TCF4: variants seen among roughly 807,000 people sequenced by gnomAD.
TCF4 encodes the protein transcription factor 4.
TCF4 carries 3 observed loss-of-function variants against 82.1 expected under a neutral mutation model. The ratio of observed to expected loss-of-function variants is 0.04; its 90% CI spans 0.02 to 0.09. The LOEUF is 0.09. Among genes scored for constraint, TCF4 ranks in the 10% least tolerant of loss-of-function variants. The pLI is 1.00. For synonymous variants in TCF4, 276 were observed against 309.6 expected (o/e 0.89, Z 1.14); for missense variants, 518 against 852.7 (o/e 0.61, Z 4.89).
At chr18:55,246,270 A>G (rs1199714253) in intron 15 of TCF4, among the ~76,000 whole-genome samples, 1 of 132,864 alleles carries the variant, frequency 7.5e-6, no homozygotes, top group East Asian at 2.2e-4. Flanking sequence ...TGTATCTTTT[A>G]TATTTTAAAA....
intron 15 of TCF4, among the ~76,000 whole-genome samples, chr18:55,242,576 A>G (rs2510127): frequency 6.6e-6 from 1 of 152,138 alleles, no homozygotes; most frequent in Non-Finnish European, 1.5e-5. Context: ...ATTTGCAAGG[A>G]AAAATAAACA....
chr18:55,595,781 T>C (rs1276861375), intron 2 of TCF4, among the ~76,000 whole-genome samples: 1 of 152,248 alleles, frequency 6.6e-6, no homozygotes, highest in Non-Finnish European at 1.5e-5. Context: ...GCAGCCTGAC[T>C]ATTCTATTTT....
chr18:55,510,775 C>T lies in TCF4; in HGVS notation c.146-46638G>A. On this transcript the variant is annotated intron_variant, in intron 3 of 19. Coordinates refer to ENST00000354452, the MANE Select transcript of TCF4 (RefSeq NM_001083962.2). ...GAAACAGAACATGAGTTAATGATGA[C>T]CGTAGATTTTAATTTATTTGTATAT... 6 of 1,250,922 alleles carry T rather than the reference C, an allele frequency of 4.8e-6. 1 individual carries two copies. In the South Asian group the frequency reaches 1.6e-4, roughly 34 times the overall value. 77.5% of individuals were successfully genotyped at this position (1,250,922 alleles called of 1,614,324 possible).
chr18:55,403,689 A>G (rs745753021), intron 5 of TCF4, 171 bp from the exon 6 acceptor site: 18 of 1,550,740 alleles, frequency 1.2e-5, no homozygotes, highest in Non-Finnish European at 1.5e-5. Context: ...TCTGGCTATG[A>G]TAAACTGGAA....
chr18:55,455,197 A>G (rs58651021), intron 5 of TCF4, among the ~76,000 whole-genome samples: 11 of 135,702 alleles, frequency 8.1e-5, no homozygotes, highest in South Asian at 2.3e-4. Flanking sequence ...AAAAAAAAAA[A>G]AAAAAAGAAA....
intron 3 of TCF4, among the ~76,000 whole-genome samples, chr18:55,566,843 T>C (rs2097412884): frequency 6.6e-6 from 1 of 152,176 alleles, no homozygotes; most frequent in Non-Finnish European, 1.5e-5. Context: ...GCTGATAATT[T>C]TTCTGAATTG....
chr18:55,434,764 G>GTGTGTGTGTGTC (rs1491360183), intron 5 of TCF4, among the ~76,000 whole-genome samples: 12 of 976 alleles, frequency 0.012, no homozygotes, highest in African/African-American at 0.032. Context: ...TCAAGTATTC[G>GTGTGTGTGTGTC]TGTGTGTGTG....
upstream of TCF4, chr18:55,588,220 T>C: frequency 1.5e-6 from 2 of 1,365,256 alleles, no homozygotes; most frequent in Non-Finnish European, 1.9e-6. Context: ...CCCTGACTCT[T>C]AACACCAACT....
intron 6 of TCF4, among the ~76,000 whole-genome samples, chr18:55,368,517 C>CA (rs376223151): frequency 2.0e-5 from 3 of 151,830 alleles, no homozygotes; most frequent in Non-Finnish European, 4.4e-5. Flanking sequence ...TTAAAAAAAA[C>CA]AAAAAAACAA....
intron 3 of TCF4, among the ~76,000 whole-genome samples, chr18:55,530,775 G>A (rs982934577): frequency 6.6e-6 from 1 of 152,126 alleles, no homozygotes; most frequent in African/African-American, 2.4e-5. Flanking sequence ...ATTTCTGACA[G>A]AAGTGTGAAG....
intron 8 of TCF4, among the ~76,000 whole-genome samples, chr18:55,308,465 G>C (rs1353766070): frequency 6.6e-6 from 1 of 152,150 alleles, no homozygotes; most frequent in African/African-American, 2.4e-5. Flanking sequence ...GCAGACACCA[G>C]CTCTCTCGGG....
At chr18:55,517,544 T>C (rs1350562564) in intron 3 of TCF4, among the ~76,000 whole-genome samples, 1 of 152,226 alleles carries the variant, frequency 6.6e-6, no homozygotes. Context: ...TGGGGAATGT[T>C]TGCTATGCAG....
intron 3 of TCF4, among the ~76,000 whole-genome samples, chr18:55,485,245 G>GATT: frequency 6.6e-6 from 1 of 152,306 alleles, no homozygotes; most frequent in African/African-American, 2.4e-5. Flanking sequence ...CGTAATGTAA[G>GATT]ACATTTCCCT....
intron 3 of TCF4, among the ~76,000 whole-genome samples, chr18:55,523,309 C>CA (rs2096948835): frequency 6.6e-6 from 1 of 151,622 alleles, no homozygotes; most frequent in South Asian, 2.1e-4. Flanking sequence ...CCCAAGAAAA[C>CA]AAAGGAATAA....
In TCF4 at chr18:55,545,284, C is replaced by T. The variant is rs908638039; in HGVS notation, c.145+39996G>A. On this transcript the variant is annotated intron_variant, in intron 3 of 19. Transcript: ENST00000354452. Reference sequence around the variant, plus strand: ...TGTATGCATACATAAAATTCTCCTCCACATCCGTCTATGTAAACATTTTTT... The same window carrying T: ...TGTATGCATACATAAAATTCTCCTCTACATCCGTCTATGTAAACATTTTTT... Among the ~76,000 whole-genome samples, 4 of 152,166 alleles carry T rather than the reference C, an allele frequency of 2.6e-5. No individual in the cohort carries two copies. In the East Asian group the frequency reaches 7.7e-4, roughly 29 times the overall value.
intron 8 of TCF4, among the ~76,000 whole-genome samples, chr18:55,288,083 C>T (rs182923430): frequency 1.3e-5 from 2 of 152,238 alleles, no homozygotes; most frequent in East Asian, 3.9e-4. Context: ...TATTCCAACT[C>T]TGAGGCAGCA....
intron 8 of TCF4, among the ~76,000 whole-genome samples, chr18:55,295,617 T>G (rs1161290197): frequency 1.3e-5 from 2 of 152,240 alleles, no homozygotes; most frequent in African/African-American, 4.8e-5. Context: ...CATACCCATT[T>G]GAAAGGCTCC....
At chr18:55,394,961 C>T (rs1290784128) in intron 6 of TCF4, among the ~76,000 whole-genome samples, 1 of 152,142 alleles carries the variant, frequency 6.6e-6, no homozygotes, top group East Asian at 1.9e-4. Context: ...GTCTTTTTTT[C>T]TGAAGTCCTT....
intron 3 of TCF4, among the ~76,000 whole-genome samples, chr18:55,561,170 G>T (rs748392103): frequency 4.1e-4 from 63 of 152,106 alleles, no homozygotes; most frequent in Non-Finnish European, 9.1e-4. Flanking sequence ...CATCCTTCAA[G>T]ACCCAACTGC....
Sources: gnomAD v4.1 joint callset for allele counts (sites outside exome capture counted in the v4.1 genomes callset) on GRCh38, gnomAD v4.1.1 for gene constraint, MANE v1.5 for transcripts, NCBI Gene and HGNC (gene_info 2026-07-23, HGNC 2026-07-21) for gene names.